TCF7: variants seen among roughly 807,000 people sequenced by gnomAD.
TCF7 encodes the protein transcription factor 7.
TCF7 carries 19 observed loss-of-function variants against 46.8 expected under a neutral mutation model. The observed-to-expected ratio is 0.41, with a 90% CI of 0.28 to 0.60. The LOEUF (loss-of-function observed/expected upper bound fraction) is 0.60, where lower values mean the gene tolerates loss of function less well. Among genes scored for constraint, TCF7 ranks in the 20% least tolerant of loss-of-function variants. The pLI is 0.35. For synonymous variants in TCF7, 245 were observed against 213.4 expected (o/e 1.15, Z -1.29); for missense variants, 547 against 504.6 (o/e 1.08, Z -0.81).
chr5:134,111,969 A>G (rs1239793536), upstream of TCF7, among the ~76,000 whole-genome samples: 3 of 152,184 alleles, frequency 2.0e-5, no homozygotes, highest in Non-Finnish European at 4.4e-5. Context: ...ATTAAATGAG[A>G]TAATGTGTGT....
chr5:134,122,076 A>G (rs569620785), intron 3 of TCF7, among the ~76,000 whole-genome samples: 2 of 152,270 alleles, frequency 1.3e-5, no homozygotes, highest in East Asian at 3.9e-4. Context: ...GAAAATCTGC[A>G]GCCTCTTTTC....
At chr5:134,111,132 C>T (rs1348436051), upstream of TCF7, among the ~76,000 whole-genome samples, 1 of 152,162 alleles carries the variant, frequency 6.6e-6, no homozygotes, top group African/African-American at 2.4e-5. Context: ...GAGACTGAGG[C>T]TCAGAGAGGG....
upstream of TCF7, among the ~76,000 whole-genome samples, chr5:134,113,942 A>C (rs1280228439): frequency 1.3e-5 from 2 of 152,164 alleles, no homozygotes; most frequent in Non-Finnish European, 2.9e-5. Flanking sequence ...TCCGGGCTGC[A>C]GGTTCTAGTC....
intron 9 of TCF7, chr5:134,144,358 C>G: frequency 4.4e-6 from 1 of 227,006 alleles, no homozygotes; most frequent in South Asian, 6.1e-5. Context: ...AGCCTTCAGC[C>G]TTATCCCTTG....
At chr5:134,111,080 G>A (rs74777190), upstream of TCF7, among the ~76,000 whole-genome samples, 1 of 152,208 alleles carries the variant, frequency 6.6e-6, no homozygotes, top group African/African-American at 2.4e-5. Context: ...CACTCCAACA[G>A]AGCAGGGCAG....
chr5:134,143,132 G>A, intron 8 of TCF7, 32 bp downstream of exon 8: 2 of 1,572,060 alleles, frequency 1.3e-6, no homozygotes, highest in Non-Finnish European at 1.7e-6. Context: ...GCAGGGGTGG[G>A]CAGGGGACCC....
chr5:134,145,270 T>C (rs1052752199), intron 9 of TCF7: 1 of 540,988 alleles, frequency 1.8e-6, no homozygotes, highest in East Asian at 5.0e-5. Flanking sequence ...ATGGGATCCC[T>C]GCCTGTACCA....
rs1350810689 is a variant in TCF7 at position 134,114,807 on chromosome 5, G to C, written c.-100G>C. 6 of 972,484 alleles carry C rather than the reference G, an allele frequency of 6.2e-6. No homozygotes were observed. Among genetic ancestry groups the C allele is most frequent in the Non-Finnish European group, 7.3e-6 (6 of 820,354 alleles). 60.2% of individuals were successfully genotyped at this position (972,484 alleles called of 1,614,324 possible). On this transcript the variant is annotated 5_prime_UTR_variant, in exon 1 of 10. Coordinates refer to ENST00000342854, the MANE Select transcript of TCF7 (RefSeq NM_003202.5). ...CCGCGCTCCGCCCGCCGCGATCCGA[G>C]CTCGGAGGTTCGGACTCCGGGCTCG...
In TCF7 at chr5:134,137,848, GC is replaced by G. The variant is rs1759121913; in HGVS notation, c.442-210del. 3 of 418,916 alleles carry G rather than the reference GC, an allele frequency of 7.2e-6. No individual in the cohort carries two copies. In the South Asian group the frequency reaches 2.4e-4, roughly 33 times the overall value. 25.9% of individuals were successfully genotyped at this position (418,916 alleles called of 1,614,324 possible). On this transcript the variant is annotated intron_variant, in intron 3 of 9. Transcript: ENST00000342854. ...ATTGAGTGCCCAGAAAGACCAAGAG[GC>G]TTTCTAGGGGGTGGGACTGCTTGGG...
chr5:134,140,678 C>G, intron 5 of TCF7: 1 of 380,856 alleles, frequency 2.6e-6, no homozygotes, highest in Non-Finnish European at 5.2e-6. Context: ...GCTTGAAATT[C>G]CAGCAGAGGC....
chr5:134,122,227 C>G (rs1174317464), intron 3 of TCF7, among the ~76,000 whole-genome samples: 1 of 152,112 alleles, frequency 6.6e-6, no homozygotes, highest in Non-Finnish European at 1.5e-5. Context: ...GTCCTGGGGT[C>G]AGGGAGGGAT....
At position 134,124,261 on chromosome 5, in the gene TCF7, C is replaced by T. The variant is rs115212168; in HGVS notation, c.441+8228C>T. 6.8e-3 allele frequency among the ~76,000 whole-genome samples: 1,031 copies of T among 152,298 alleles called. 15 individuals are homozygous for T. The highest frequency in any genetic ancestry group is 0.023 in the African/African-American group (940 of 41,546). Reference sequence around the variant, plus strand: ...CAGTTTGCTGTCCTGTTTCGCAGACCTGTCATGCTTGGGGTCTGGACCTGG... The same window carrying T: ...CAGTTTGCTGTCCTGTTTCGCAGACTTGTCATGCTTGGGGTCTGGACCTGG... On this transcript the variant is annotated intron_variant, in intron 3 of 9. Transcript: ENST00000342854.
chr5:134,143,737 C>A, intron 9 of TCF7, 97 bp downstream of exon 9: 1 of 1,469,738 alleles, frequency 6.8e-7, no homozygotes, highest in Admixed American at 1.9e-5. Flanking sequence ...CGGTACCCAG[C>A]TAGGAGCCTT....
At chr5:134,112,812 C>T (rs1755349549), upstream of TCF7, among the ~76,000 whole-genome samples, 1 of 152,076 alleles carries the variant, frequency 6.6e-6, no homozygotes, top group Non-Finnish European at 1.5e-5. Flanking sequence ...CAAAAAGAAC[C>T]TCACTGTTGT....
chr5:134,135,876 T>G (rs551990393), intron 3 of TCF7, among the ~76,000 whole-genome samples: 144 of 152,324 alleles, frequency 9.5e-4, no homozygotes, highest in African/African-American at 3.2e-3. Flanking sequence ...TCAGGCAGTG[T>G]GGCATTCTGC....
At chr5:134,138,642 A>G (rs952278795) in intron 4 of TCF7, 1 of 341,744 alleles carries the variant, frequency 2.9e-6, no homozygotes, top group Non-Finnish European at 5.4e-6. Context: ...CCTCCTGCCC[A>G]GAAAGCTAGG....
chr5:134,115,500 A>G, intron 2 of TCF7, 113 bp downstream of exon 2: 1 of 1,487,242 alleles, frequency 6.7e-7, no homozygotes, highest in Non-Finnish European at 9.0e-7. Context: ...GCAGCTCAGG[A>G]GGCGGCAGAA....
At chr5:134,144,255 G>A (rs986447140) in intron 9 of TCF7, 1 of 165,504 alleles carries the variant, frequency 6.0e-6, no homozygotes, top group East Asian at 1.8e-4. Flanking sequence ...GGCTAGGACT[G>A]GGACAGAGCA....
chr5:134,142,651 C>T, intron 6 of TCF7, 70 bp from the exon 7 acceptor site: 8 of 1,582,730 alleles, frequency 5.1e-6, no homozygotes, highest in Non-Finnish European at 6.0e-6. Context: ...TAGGCCCACG[C>T]TAGAGGAGGA....
Sources: allele counts gnomAD v4.1 joint callset (sites outside exome capture counted in the v4.1 genomes callset), GRCh38; gene constraint gnomAD v4.1.1; transcripts MANE v1.5; gene names NCBI Gene and HGNC (gene_info 2026-07-23, HGNC 2026-07-21).